TACR3: variants seen among roughly 807,000 people sequenced by gnomAD.
The protein encoded by TACR3 is neuromedin-K receptor.
A neutral mutation model predicts 35.0 loss-of-function variants in TACR3; 34 were observed. The ratio of observed to expected loss-of-function variants is 0.97; its 90% CI spans 0.74 to 1.30. The LOEUF (loss-of-function observed/expected upper bound fraction) is 1.30, where lower values mean the gene tolerates loss of function less well. Among genes scored for constraint, TACR3 ranks in the 50% most tolerant of loss-of-function variants. The pLI, the probability that TACR3 is intolerant of heterozygous loss-of-function variation, is 0.00. For synonymous variants in TACR3, 233 were observed against 221.1 expected (o/e 1.05, Z -0.48); for missense variants, 558 against 591.7 (o/e 0.94, Z 0.59).
chr4:103,589,513 A>T lies in TACR3; in HGVS notation c.*169T>A. On this transcript the variant is annotated 3_prime_UTR_variant, in exon 5 of 5. Transcript: ENST00000304883. ...TTTGGGTGGAGGCTAACATGTTATT[A>T]GTGTCTTTGTCACATTTATACACTA... is the stretch of plus-strand genomic sequence containing the variant. The T allele has an allele frequency of 1.5e-6, 1 of 657,676 alleles. No homozygotes were observed. The highest frequency in any genetic ancestry group is 2.6e-6 in the Non-Finnish European group (1 of 389,448). The allele number at this position is 657,676 out of a possible 1,614,324, so 40.7% of individuals were successfully genotyped here. A position where few individuals can be genotyped will look rare whatever the true frequency, so the allele number is the denominator to read the frequency against.
chr4:103,688,143 G>A (rs1722299350), intron 1 of TACR3, among the ~76,000 whole-genome samples: 1 of 152,124 alleles, frequency 6.6e-6, no homozygotes, highest in African/African-American at 2.4e-5. Flanking sequence ...AACAAGAAAT[G>A]GGGAAAGGAT....
chr4:103,589,729 A>G lies in TACR3; in HGVS notation c.1351T>C (p.Ser451Pro). The change falls in exon 5 of 5, where the codon TCA becomes CCA. Residue 451 changes from serine to proline, a missense_variant. Physicochemically the swap from Ser to Pro is moderately conservative, Grantham distance 74 (BLOSUM62 -1). Transcript: ENST00000304883. Reference sequence around the variant, plus strand: ...GTATAGGGTGAGCTTATGAAACTTGAAGTGGCGGAGGCAGATTTGGAATTC... The same window carrying G: ...GTATAGGGTGAGCTTATGAAACTTGGAGTGGCGGAGGCAGATTTGGAATTC... ...RRNSKSASATSSFISSPYTSV... is the reference protein window; with the variant it reads ...RRNSKSASATPSFISSPYTSV... The G allele has an allele frequency of 6.2e-7, 1 of 1,613,998 alleles. No individual in the cohort carries two copies. The highest frequency in any genetic ancestry group is 8.5e-7 in the Non-Finnish European group (1 of 1,179,888).
At chr4:103,701,687 G>A (rs893519804) in intron 1 of TACR3, among the ~76,000 whole-genome samples, 1 of 152,064 alleles carries the variant, frequency 6.6e-6, no homozygotes, top group Non-Finnish European at 1.5e-5. Flanking sequence ...GCATGGTACT[G>A]GTACCAAAAC....
chr4:103,680,524 CACATATATAT>C (rs1323591811), intron 1 of TACR3, among the ~76,000 whole-genome samples: 5 of 134,342 alleles, frequency 3.7e-5, no homozygotes, highest in East Asian at 4.5e-4. Context: ...TATATATATA[CACATATATAT>C]ACATATATAT....
intron 1 of TACR3, among the ~76,000 whole-genome samples, chr4:103,708,404 G>A (rs1242247413): frequency 1.3e-5 from 2 of 152,208 alleles, no homozygotes; most frequent in African/African-American, 2.4e-5. Flanking sequence ...AGGGTCTGGA[G>A]TGGACCTCCA....
chr4:103,632,969 TAGTG>T (rs1431943180), intron 3 of TACR3, among the ~76,000 whole-genome samples: 5 of 152,058 alleles, frequency 3.3e-5, no homozygotes, highest in African/African-American at 4.8e-5. Context: ...AAAACTTACA[TAGTG>T]AGTACATATT....
intron 3 of TACR3, among the ~76,000 whole-genome samples, chr4:103,652,241 G>A (rs1370437772): frequency 1.3e-5 from 2 of 152,154 alleles, no homozygotes; most frequent in Non-Finnish European, 2.9e-5. Flanking sequence ...CCACTGTGGT[G>A]AGGCGTGGGA....
chr4:103,687,484 A>G (rs1271024932), intron 1 of TACR3, among the ~76,000 whole-genome samples: 2 of 152,146 alleles, frequency 1.3e-5, no homozygotes, highest in African/African-American at 2.4e-5. Flanking sequence ...ACATGATTGT[A>G]TATCTAGAAA....
chr4:103,715,778 A>G (rs1723076477), intron 1 of TACR3, among the ~76,000 whole-genome samples: 1 of 152,216 alleles, frequency 6.6e-6, no homozygotes, highest in African/African-American at 2.4e-5. Flanking sequence ...ATATGACCAT[A>G]CATCAAGTAC....
chr4:103,711,432 G>A lies in TACR3; in HGVS notation c.548+7696C>T, dbSNP rs761486369. ...AATAGATGAAGAAAAGGTCTTTGAC[G>A]AAATTCAACAACACTTCATGCTAAG... On this transcript the variant is annotated intron_variant, in intron 1 of 4. Transcript: ENST00000304883. 4.1e-4 allele frequency among the ~76,000 whole-genome samples: 62 copies of A among 152,052 alleles called. 1 individual carries two copies. Among genetic ancestry groups the A allele is most frequent in the Admixed American group, 2.0e-3 (31 of 15,256 alleles).
At chr4:103,606,636 G>A (rs1357146731) in intron 3 of TACR3, among the ~76,000 whole-genome samples, 1 of 152,018 alleles carries the variant, frequency 6.6e-6, no homozygotes, top group African/African-American at 2.4e-5. Context: ...TGTTGTTGGT[G>A]TATAAGAATG....
At chr4:103,690,219 C>T (rs1722370586) in intron 1 of TACR3, among the ~76,000 whole-genome samples, 1 of 152,062 alleles carries the variant, frequency 6.6e-6, no homozygotes, top group Non-Finnish European at 1.5e-5. Flanking sequence ...TCAAATGGTT[C>T]CTCAAATCCA....
At chr4:103,697,002 C>T (rs990610863) in intron 1 of TACR3, among the ~76,000 whole-genome samples, 2 of 152,172 alleles carry the variant, frequency 1.3e-5, no homozygotes, top group Middle Eastern at 3.2e-3. Flanking sequence ...TAACCTTAAA[C>T]TCCTAGTCTC....
chr4:103,658,523 A>G, intron 1 of TACR3, 120 bp from the exon 2 acceptor site: 1 of 907,414 alleles, frequency 1.1e-6, no homozygotes, highest in Non-Finnish European at 1.7e-6. Context: ...TTGGGAAACC[A>G]GTTGATAAGG....
At chr4:103,607,030 A>G (rs1724389122) in intron 3 of TACR3, among the ~76,000 whole-genome samples, 1 of 152,160 alleles carries the variant, frequency 6.6e-6, no homozygotes, top group Admixed American at 6.6e-5. Context: ...TTTTAGCATG[A>G]AGGGTTGTTG....
intron 1 of TACR3, among the ~76,000 whole-genome samples, chr4:103,677,295 G>A (rs946545893): frequency 2.0e-5 from 3 of 148,570 alleles, no homozygotes; most frequent in African/African-American, 7.5e-5. Flanking sequence ...GTGGAAGACG[G>A]TGTGGTGATT....
chr4:103,701,931 T>C (rs1170375703), intron 1 of TACR3, among the ~76,000 whole-genome samples: 4 of 152,140 alleles, frequency 2.6e-5, no homozygotes, highest in South Asian at 2.1e-4. Context: ...ATGTTAGACC[T>C]AAAACCATAA....
rs2765 is a variant in TACR3 at position 103,589,609 on chromosome 4, G to A, written c.*73C>T. 993,833 of 1,574,150 alleles carry A rather than the reference G, an allele frequency of 0.63. 317,480 individuals are homozygous for A. The highest frequency in any genetic ancestry group is 0.67 in the Admixed American group (39,899 of 59,752). On this transcript the variant is annotated 3_prime_UTR_variant, in exon 5 of 5. Coordinates refer to ENST00000304883, the MANE Select transcript of TACR3 (RefSeq NM_001059.3). ...CTAGAGGGTATATAGGACAGGACTG[G>A]TAAATAGGAGAATGGGGTCCTAGAC...
At chr4:103,641,823 A>G (rs759505058) in intron 3 of TACR3, among the ~76,000 whole-genome samples, 5 of 152,012 alleles carry the variant, frequency 3.3e-5, no homozygotes, top group Non-Finnish European at 5.9e-5. Flanking sequence ...GCCATTTGCA[A>G]TAACATGGAT....
Sources: gnomAD v4.1 joint callset for allele counts (sites outside exome capture counted in the v4.1 genomes callset) on GRCh38, gnomAD v4.1.1 for gene constraint, MANE v1.5 for transcripts, NCBI Gene and HGNC (gene_info 2026-07-23, HGNC 2026-07-21) for gene names.